TET3: variants seen among roughly 807,000 people sequenced by gnomAD.
The protein encoded by TET3 is methylcytosine dioxygenase TET3.
In TET3, 19 loss-of-function variants were observed where a neutral mutation model predicts 141.4. That is an observed-to-expected ratio of 0.13 (90% CI 0.09 to 0.20). TET3 has a LOEUF of 0.20. TET3 is among the 10% of genes least tolerant of loss of function. The pLI is 1.00. For synonymous variants in TET3, 1,043 were observed against 980.9 expected, an observed-to-expected ratio of 1.06 and a Z score of -1.18; for missense variants, 1,874 against 2,356.9, an observed-to-expected ratio of 0.80 and a Z score of 4.24.
intron 6 of TET3, among the ~76,000 whole-genome samples, chr2:74,081,187 A>G (rs983378632): frequency 6.6e-6 from 1 of 152,232 alleles, no homozygotes; most frequent in Non-Finnish European, 1.5e-5. Context: ...CAGGGAGAAC[A>G]TCAGTGACTC....
intron 2 of TET3, among the ~76,000 whole-genome samples, chr2:73,997,288 G>A (rs186352651): frequency 9.2e-5 from 14 of 152,348 alleles, no homozygotes. Context: ...CCACTGCTGA[G>A]TTTTTCTTCT....
At chr2:74,049,022 G>T (rs952564581) in intron 4 of TET3, among the ~76,000 whole-genome samples, 4 of 152,218 alleles carry the variant, frequency 2.6e-5, no homozygotes, top group African/African-American at 9.6e-5. Context: ...CTGGCTTATG[G>T]TGGGGAGGGA....
rs893383896 is a variant in TET3 at position 74,087,293 on chromosome 2, T to C, written c.2680-537T>C. Among the ~76,000 whole-genome samples, 1 of 152,222 alleles carries C rather than the reference T, an allele frequency of 6.6e-6. No individual in the cohort carries two copies. Among genetic ancestry groups the C allele is most frequent in the Non-Finnish European group, 1.5e-5 (1 of 68,042 alleles). On this transcript the variant is annotated intron_variant, in intron 6 of 11. Coordinates refer to ENST00000409262, the MANE Select transcript of TET3 (RefSeq NM_001287491.2). The surrounding 1 kb of genome is among the most constrained non-coding windows in gnomAD (Gnocchi z 4.3). ...TGCAGTGAACGTGGGTATTCAGGGA[T>C]CTGCCTGAGTCCTGCTCTCAGTCCC...
At chr2:74,017,740 T>C (rs1422148806) in intron 3 of TET3, among the ~76,000 whole-genome samples, 3 of 152,208 alleles carry the variant, frequency 2.0e-5, no homozygotes, top group African/African-American at 4.8e-5. Flanking sequence ...TTCAATTCTT[T>C]TGGACGTATA....
At chr2:74,100,182 C>A (rs542495098) in intron 11 of TET3, among the ~76,000 whole-genome samples, 63 of 152,234 alleles carry the variant, frequency 4.1e-4, no homozygotes, top group Non-Finnish European at 7.6e-4. Context: ...CCTCCCACCC[C>A]CAGTGGGGCT....
At chr2:74,070,305 C>T (rs1352205929) in intron 4 of TET3, among the ~76,000 whole-genome samples, 1 of 152,198 alleles carries the variant, frequency 6.6e-6, no homozygotes, top group Admixed American at 6.5e-5. Context: ...TACATGGCAG[C>T]AGACAAGAGA....
In TET3 at chr2:74,100,445, G is replaced by C. The variant is rs1273050986; in HGVS notation, c.3657G>C (p.Lys1219Asn). 2 of 1,580,302 alleles carry C rather than the reference G, an allele frequency of 1.3e-6. No homozygotes were observed. Among genetic ancestry groups the C allele is most frequent in the South Asian group, 1.2e-5 (1 of 86,060 alleles). ...LSQQGLKPSLKVEPQNHFSSF... is the reference protein window; with the variant it reads ...LSQQGLKPSLNVEPQNHFSSF... ...AGCAAGGCCTGAAGCCCTCCCTCAA[G>C]GTGGAGCCGCAGAACCACTTCAGCT... The change falls in exon 12 of 12, where the codon AAG (lysine) becomes AAC (asparagine). Residue 1219 changes from lysine (K) to asparagine (N), a missense_variant. Physicochemically the swap from Lys to Asn is moderately conservative, Grantham distance 94. Coordinates refer to ENST00000409262, the MANE Select transcript of TET3 (RefSeq NM_001287491.2).
chr2:74,005,393 G>A (rs1214386693), intron 3 of TET3, among the ~76,000 whole-genome samples: 1 of 152,212 alleles, frequency 6.6e-6, no homozygotes, highest in Non-Finnish European at 1.5e-5. Context: ...AGAATCATAT[G>A]CAGCTCAGGC....
At position 74,100,875 on chromosome 2, in the gene TET3, G is replaced by A. The variant is rs773350302; in HGVS notation, c.4087G>A (p.Gly1363Ser). ...TCACCACCAGCAGCCTGCGTACCCA[G>A]GCCCCAAGGAGTATCTGCTTCCCAA... ...TPHHQQPAYP[G>S]PKEYLLPKAP... Residue 1363 changes from glycine (G) to serine (S), a missense_variant, in exon 12 of 12, where the codon GGC becomes AGC. Gly to Ser is a moderately conservative substitution (Grantham distance 56). This residue lies in a region of TET3 where 602 missense variants were observed against 590.2 expected (regional missense o/e 1.02). Transcript: ENST00000409262. The A allele has an allele frequency of 1.9e-6, 3 of 1,610,870 alleles. No individual in the cohort carries two copies. The highest frequency in any genetic ancestry group is 2.2e-5 in the South Asian group (2 of 90,418).
At chr2:74,001,152 G>C (rs1684831092) in intron 2 of TET3, among the ~76,000 whole-genome samples, 1 of 152,136 alleles carries the variant, frequency 6.6e-6, no homozygotes, top group South Asian at 2.1e-4. Flanking sequence ...GTTCCCAGGG[G>C]GAGGCAGGTA....
intron 3 of TET3, among the ~76,000 whole-genome samples, chr2:74,043,838 G>A (rs2103649961): frequency 6.6e-6 from 1 of 152,172 alleles, no homozygotes; most frequent in South Asian, 2.1e-4. Context: ...GACAGTCTTA[G>A]CACTGGCATC....
At chr2:74,059,338 C>T (rs1294216840) in intron 4 of TET3, among the ~76,000 whole-genome samples, 2 of 152,230 alleles carry the variant, frequency 1.3e-5, no homozygotes, top group East Asian at 1.9e-4. Flanking sequence ...CTGCAACCTT[C>T]GCCTCCCCGG....
intron 3 of TET3, among the ~76,000 whole-genome samples, chr2:74,041,726 T>C (rs1191803527): frequency 2.6e-5 from 4 of 152,256 alleles, no homozygotes; most frequent in African/African-American, 9.6e-5. Context: ...TATAAGACCC[T>C]TTGAAGCTGC....
At chr2:74,002,022 A>C (rs1244302445) in intron 2 of TET3, among the ~76,000 whole-genome samples, 1 of 151,886 alleles carries the variant, frequency 6.6e-6, no homozygotes, top group African/African-American at 2.4e-5. Context: ...CAGGGTTGAC[A>C]CAGGAGGTGT....
At chr2:74,051,689 C>T (rs1340553730) in intron 4 of TET3, among the ~76,000 whole-genome samples, 3 of 152,306 alleles carry the variant, frequency 2.0e-5, no homozygotes, top group Admixed American at 1.3e-4. Context: ...TAGTCACCAC[C>T]TCACTTAATC....
At chr2:74,067,105 A>C (rs1230151942) in intron 4 of TET3, among the ~76,000 whole-genome samples, 177 of 141,716 alleles carry the variant, frequency 1.2e-3, no homozygotes, top group African/African-American at 2.2e-3. Flanking sequence ...CTCCCTCCCC[A>C]CTCCCCCCTG....
intron 7 of TET3, among the ~76,000 whole-genome samples, chr2:74,088,545 A>C (rs1370273073): frequency 1.3e-5 from 2 of 151,956 alleles, no homozygotes; most frequent in Non-Finnish European, 2.9e-5. Flanking sequence ...GGAGGCTGAG[A>C]CAGAAGAATC....
In TET3 at chr2:74,080,450, C is replaced by T. The variant is rs371532325; in HGVS notation, c.2586-48C>T. The T allele has an allele frequency of 7.7e-6, 12 of 1,556,186 alleles. No homozygotes were observed. The African/African-American group carries it at 1.5e-4, about 19-fold the overall frequency. ...CTGTCTTCTGACCAAAAGTTGTTCTCCTTTGGGGTTCTGCTGTGCTAATGG... is the reference window on the plus strand; with the variant it reads ...CTGTCTTCTGACCAAAAGTTGTTCTTCTTTGGGGTTCTGCTGTGCTAATGG... On this transcript the variant is annotated intron_variant, in intron 5 of 11. Coordinates refer to ENST00000409262, the MANE Select transcript of TET3 (RefSeq NM_001287491.2).
At chr2:74,014,342 T>A (rs1311462027) in intron 3 of TET3, among the ~76,000 whole-genome samples, 1 of 152,056 alleles carries the variant, frequency 6.6e-6, no homozygotes, top group Admixed American at 6.6e-5. Context: ...CTTGGAGAGG[T>A]TTCGATGATA....
Sources: gnomAD v4.1 joint callset for allele counts (sites outside exome capture counted in the v4.1 genomes callset) on GRCh38, gnomAD v4.1.1 for gene constraint, gnomAD v4.1.1 regional missense constraint, Gnocchi (gnomAD v3.1) non-coding constraint, MANE v1.5 for transcripts, NCBI Gene and HGNC (gene_info 2026-07-23, HGNC 2026-07-21) for gene names.